Variants in NRG3 observed in about 807,000 individuals in gnomAD.
NRG3 encodes the protein pro-neuregulin-3, membrane-bound isoform.
In NRG3, 31 loss-of-function variants were observed where a neutral mutation model predicts 66.9. That is an observed-to-expected ratio of 0.46 (90% CI 0.35 to 0.63). The LOEUF (loss-of-function observed/expected upper bound fraction) is 0.63, where lower values mean the gene tolerates loss of function less well. NRG3 is among the 20% of genes least tolerant of loss of function. The pLI is 0.00. For synonymous variants in NRG3, 393 were observed against 359.4 expected, an observed-to-expected ratio of 1.09 and a Z score of -1.06; for missense variants, 910 against 878.9, an observed-to-expected ratio of 1.04 and a Z score of -0.45.
Position 82,742,201 on chromosome 10 carries a change from C to T in NRG3, c.1027+3551C>T, listed in dbSNP as rs1048185510. On this transcript the variant is annotated intron_variant, in intron 3 of 8. Transcript: ENST00000372141. ...TGAGAAACCGCTGCTCTTTTATTCT[C>T]TCCCAGGCAATGCAAAGTTAGTCAG... Among the ~76,000 whole-genome samples the T allele has an allele frequency of 2.2e-4, 34 of 152,060 alleles. 1 individual carries two copies.
chr10:82,844,963 T>G (rs1279676150), intron 3 of NRG3, among the ~76,000 whole-genome samples: 1 of 152,146 alleles, frequency 6.6e-6, no homozygotes, highest in Non-Finnish European at 1.5e-5. Flanking sequence ...GAGACCAGCC[T>G]GGTCAACATG....
rs548209837 is a variant in NRG3, at chr10:82,985,728, C to T, written c.*123C>T. On this transcript the variant is annotated 3_prime_UTR_variant, in exon 9 of 9. Coordinates refer to ENST00000372141, the MANE Select transcript of NRG3 (RefSeq NM_001010848.4). ...ACTTAGAAGAAACCAAATAGTCTAT[C>T]GCCCTCATATCATAGTGTTTTTTAA... 3.5e-5 allele frequency: 36 copies of T among 1,019,186 alleles called. No individual in the cohort carries two copies. Among genetic ancestry groups the T allele is most frequent in the East Asian group, 4.9e-5 (2 of 40,796 alleles). The allele number at this position is 1,019,186 out of a possible 1,614,324, so 63.1% of individuals were successfully genotyped here.
chr10:82,657,000 G>C (rs1431596956), intron 2 of NRG3, among the ~76,000 whole-genome samples: 1 of 151,890 alleles, frequency 6.6e-6, no homozygotes. Context: ...TGCCAGGCAG[G>C]CTTCCCCACA....
At chr10:82,423,008 C>G (rs1175781370) in intron 2 of NRG3, among the ~76,000 whole-genome samples, 1 of 151,916 alleles carries the variant, frequency 6.6e-6, no homozygotes, top group Admixed American at 6.6e-5. Flanking sequence ...ACATTTAGTG[C>G]CAAGCTAAGG....
In NRG3 at chr10:82,804,959, G is replaced by A. The variant is rs528395382; in HGVS notation, c.1028-60452G>A. 3.9e-5 allele frequency among the ~76,000 whole-genome samples: 6 copies of A among 152,278 alleles called. No homozygotes were observed. In the East Asian group the frequency reaches 9.7e-4, roughly 25 times the overall value. Reference sequence around the variant, plus strand: ...CTGCTATAAGAAATGTACTACTGGGGTTAGTACTACTGGGGGTTAGAGCAT... The same window carrying A: ...CTGCTATAAGAAATGTACTACTGGGATTAGTACTACTGGGGGTTAGAGCAT... On this transcript the variant is annotated intron_variant, in intron 3 of 8. Coordinates refer to ENST00000372141, the MANE Select transcript of NRG3 (RefSeq NM_001010848.4).
At chr10:82,348,101 C>G (rs1422783685) in intron 1 of NRG3, among the ~76,000 whole-genome samples, 1 of 150,676 alleles carries the variant, frequency 6.6e-6, no homozygotes, top group Non-Finnish European at 1.5e-5. Context: ...TGAATTTGAT[C>G]CTGTCATTAT....
intron 1 of NRG3, among the ~76,000 whole-genome samples, chr10:81,967,588 A>C (rs74143890): frequency 6.6e-6 from 1 of 152,218 alleles, no homozygotes; most frequent in African/African-American, 2.4e-5. Flanking sequence ...GTGCTTATAT[A>C]GTCTGTTGAT....
At chr10:82,150,587 A>T (rs2070664822) in intron 1 of NRG3, among the ~76,000 whole-genome samples, 2 of 151,888 alleles carry the variant, frequency 1.3e-5, no homozygotes, top group South Asian at 4.1e-4. Flanking sequence ...CTCAGTCTAA[A>T]ACAGATAAAC....
chr10:82,206,862 T>A (rs1012401527), intron 1 of NRG3, among the ~76,000 whole-genome samples: 1 of 152,238 alleles, frequency 6.6e-6, no homozygotes, highest in East Asian at 1.9e-4. Flanking sequence ...GCAAGTTATG[T>A]TCCCGTACTT....
intron 2 of NRG3, among the ~76,000 whole-genome samples, chr10:82,569,701 T>G (rs1565080612): frequency 6.6e-6 from 1 of 151,624 alleles, no homozygotes; most frequent in Non-Finnish European, 1.5e-5. Flanking sequence ...ACCTTTCTCT[T>G]TATCCCTTCT....
chr10:81,926,294 G>C (rs1247395641), intron 1 of NRG3, among the ~76,000 whole-genome samples: 1 of 151,446 alleles, frequency 6.6e-6, no homozygotes, highest in East Asian at 2.0e-4. Flanking sequence ...CTTTTTTTTT[G>C]TATTTTTAGT....
chr10:82,425,410 T>C (rs1209513394), intron 2 of NRG3, among the ~76,000 whole-genome samples: 2 of 152,138 alleles, frequency 1.3e-5, no homozygotes, highest in Non-Finnish European at 2.9e-5. Context: ...TGGAGGTTTT[T>C]TTTTTAGAGT....
chr10:82,888,556 C>CT (rs1842902949), intron 4 of NRG3, among the ~76,000 whole-genome samples: 1 of 152,042 alleles, frequency 6.6e-6, no homozygotes, highest in Admixed American at 6.6e-5. Flanking sequence ...TTGGGAAATG[C>CT]TTATTCATTT....
intron 4 of NRG3, among the ~76,000 whole-genome samples, chr10:82,916,630 AT>A (rs10628568): frequency 0.059 from 8,682 of 147,766 alleles, 252 homozygotes; most frequent in South Asian, 0.15. Flanking sequence ...CAGCAATTAC[AT>A]TTTTTTTTTT....
chr10:81,964,282 T>C (rs1245866830), intron 1 of NRG3, among the ~76,000 whole-genome samples: 1 of 151,548 alleles, frequency 6.6e-6, no homozygotes, highest in African/African-American at 2.4e-5. Flanking sequence ...TATTCTTTTT[T>C]TAAAAAACAG....
At position 82,793,162 on chromosome 10, in the gene NRG3, A is replaced by ATTC. The variant is rs367907516; in HGVS notation, c.1027+54517_1027+54519dup. ...AATGTTGATCATTCCATCTGGAGTA[A>ATTC]TTCTTCTGTGTATTGTTTGTGATGG... On this transcript the variant is annotated intron_variant, in intron 3 of 8. Coordinates refer to ENST00000372141, the MANE Select transcript of NRG3 (RefSeq NM_001010848.4). Among the ~76,000 whole-genome samples the ATTC allele has an allele frequency of 6.8e-3, 1,036 of 152,120 alleles. 10 individuals carry two copies. The highest frequency in any genetic ancestry group is 0.024 in the African/African-American group (998 of 41,506).
intron 1 of NRG3, among the ~76,000 whole-genome samples, chr10:81,883,048 G>A (rs757701797): frequency 1.4e-4 from 22 of 152,080 alleles, no homozygotes; most frequent in Admixed American, 6.6e-5. Context: ...AGCAAAATAT[G>A]TCCTAGGTGC....
intron 2 of NRG3, among the ~76,000 whole-genome samples, chr10:82,700,505 T>C (rs1026901982): frequency 3.9e-5 from 6 of 152,186 alleles, no homozygotes; most frequent in Admixed American, 3.9e-4. Context: ...CAGCTAGGTT[T>C]TGACAGAGCC....
chr10:81,937,899 T>C (rs1848033036), intron 1 of NRG3, among the ~76,000 whole-genome samples: 1 of 152,126 alleles, frequency 6.6e-6, no homozygotes, highest in Non-Finnish European at 1.5e-5. Flanking sequence ...CCTTAACCCA[T>C]TTTTAACTAA....
Sources: allele counts gnomAD v4.1 joint callset (sites outside exome capture counted in the v4.1 genomes callset), GRCh38; gene constraint gnomAD v4.1.1; transcripts MANE v1.5; gene names NCBI Gene and HGNC (gene_info 2026-07-23, HGNC 2026-07-21).